The following CHD9 variants were observed in gnomAD, a reference collection of about 807,000 sequenced individuals.
The protein encoded by CHD9 is chromodomain helicase DNA binding protein 9, also known as ATP-dependent chromatin remodeler CHD9.
Under a neutral mutation model 316.1 loss-of-function variants are expected in CHD9, and 77 were observed. The ratio of observed to expected loss-of-function variants is 0.24; its 90% CI spans 0.20 to 0.29. CHD9 has a LOEUF of 0.29. CHD9 is among the 10% of genes least tolerant of loss of function. The pLI, the probability that CHD9 is intolerant of heterozygous loss-of-function variation, is 1.00. For missense variants in CHD9, 2,763 were observed against 3,438.1 expected, an observed-to-expected ratio of 0.80 and a Z score of 4.91; for synonymous variants, 1,129 against 1,158.3, an observed-to-expected ratio of 0.97 and a Z score of 0.51.
At chr16:53,130,017 C>G (rs1454765654) in intron 1 of CHD9, among the ~76,000 whole-genome samples, 2 of 152,210 alleles carry the variant, frequency 1.3e-5, no homozygotes, top group East Asian at 1.9e-4. Flanking sequence ...CACCCTCCCC[C>G]ACGGCTGTCT....
chr16:53,086,585 C>T (rs1198600788), intron 1 of CHD9, among the ~76,000 whole-genome samples: 1 of 152,180 alleles, frequency 6.6e-6, no homozygotes, highest in African/African-American at 2.4e-5. Context: ...TTCTCTGAGC[C>T]TCAGTGTTGG....
intron 1 of CHD9, among the ~76,000 whole-genome samples, chr16:53,083,592 T>C: frequency 6.6e-6 from 1 of 152,190 alleles, no homozygotes; most frequent in East Asian, 1.9e-4. Flanking sequence ...TATGTGGTTC[T>C]GCCCACTCTT....
At chr16:53,133,734 A>G (rs1330855112) in intron 1 of CHD9, among the ~76,000 whole-genome samples, 1 of 152,206 alleles carries the variant, frequency 6.6e-6, no homozygotes, top group Non-Finnish European at 1.5e-5. Flanking sequence ...GTGACAAGAT[A>G]AGATTAAGGA....
At chr16:53,313,142 A>C (rs1161401953) in intron 34 of CHD9, among the ~76,000 whole-genome samples, 3 of 152,152 alleles carry the variant, frequency 2.0e-5, no homozygotes, top group Non-Finnish European at 4.4e-5. Flanking sequence ...AAATGAAAGA[A>C]GTCAGTCTAA....
chr16:53,167,172 A>G (rs2042325711), intron 2 of CHD9, among the ~76,000 whole-genome samples: 11 of 152,112 alleles, frequency 7.2e-5, no homozygotes, highest in Admixed American at 6.5e-4. Flanking sequence ...AATACTTTTT[A>G]GTTTTGTATG....
At chr16:53,198,241 A>G (rs760990675) in intron 2 of CHD9, among the ~76,000 whole-genome samples, 1 of 151,796 alleles carries the variant, frequency 6.6e-6, no homozygotes, top group Non-Finnish European at 1.5e-5. Context: ...CTACCAAGTT[A>G]TAAATTTCTT....
intron 1 of CHD9, among the ~76,000 whole-genome samples, chr16:53,059,757 G>A (rs745310860): frequency 8.5e-5 from 13 of 152,130 alleles, no homozygotes; most frequent in Admixed American, 3.9e-4. Context: ...TGAGCTTTAT[G>A]GACCATAGGG....
intron 1 of CHD9, among the ~76,000 whole-genome samples, chr16:53,139,693 AC>A (rs937589442): frequency 1.3e-5 from 2 of 152,218 alleles, no homozygotes; most frequent in Non-Finnish European, 2.9e-5. Flanking sequence ...TTAAGCACTT[AC>A]TACTGTATGT....
chr16:53,179,225 A>G (rs889104660), intron 2 of CHD9, among the ~76,000 whole-genome samples: 23 of 152,202 alleles, frequency 1.5e-4, no homozygotes, highest in African/African-American at 4.3e-4. Context: ...ACATTCTTCT[A>G]TACAACTAGT....
Position 53,283,828 on chromosome 16 carries a change from G to A in CHD9, c.4968-1768G>A, listed in dbSNP as rs546259289. 3.0e-4 allele frequency among the ~76,000 whole-genome samples: 46 copies of A among 151,994 alleles called. 1 individual carries two copies. The highest frequency in any genetic ancestry group is 1.7e-3 in the East Asian group (9 of 5,162). On this transcript the variant is annotated intron_variant, in intron 24 of 38. Transcript: ENST00000447540. ...TTAGATATAATAAGGTGTTCATTTC[G>A]AGTGCTGACAAATTCGTTCAAGAAT...
intron 8 of CHD9, 27 bp from the exon 9 acceptor site, chr16:53,231,392 G>A: frequency 7.7e-7 from 1 of 1,291,612 alleles, no homozygotes; most frequent in Non-Finnish European, 1.1e-6. Flanking sequence ...TTTGTCAGAT[G>A]TCAATTAAGT....
intron 18 of CHD9, 37 bp from the exon 19 acceptor site, chr16:53,255,563 A>G (rs1199833413): frequency 6.3e-7 from 1 of 1,584,794 alleles, no homozygotes. Context: ...ATGAACTTTA[A>G]AAAAAACTAT....
chr16:53,156,241 A>G lies in CHD9; in HGVS notation c.152A>G (p.Asp51Gly), dbSNP rs753731618. 5 of 1,614,014 alleles carry G rather than the reference A, an allele frequency of 3.1e-6. No individual in the cohort carries two copies. Among genetic ancestry groups the G allele is most frequent in the Non-Finnish European group, 4.2e-6 (5 of 1,179,892 alleles). The change falls in exon 2 of 39, where the codon GAT becomes GGT. Residue 51 changes from aspartate to glycine, a missense_variant. Asp to Gly is a moderately conservative substitution (Grantham distance 94). Coordinates refer to ENST00000447540, the MANE Select transcript of CHD9 (RefSeq NM_001308319.2). ...GCAGAATTTGAACCGTTGCACATAGATTCACTGAACCATGTTCAAGGTACT... is the reference window on the plus strand; with the variant it reads ...GCAGAATTTGAACCGTTGCACATAGGTTCACTGAACCATGTTCAAGGTACT... ...LGAEFEPLHI[D>G]SLNHVQGTPT...
At chr16:53,221,105 G>C (rs1038501507) in intron 3 of CHD9, among the ~76,000 whole-genome samples, 1 of 152,188 alleles carries the variant, frequency 6.6e-6, no homozygotes, top group Non-Finnish European at 1.5e-5. Flanking sequence ...CTAGAGCCTA[G>C]GAAAGTGCTT....
chr16:53,113,187 A>G (rs1267724804), intron 1 of CHD9, among the ~76,000 whole-genome samples: 1 of 152,056 alleles, frequency 6.6e-6, no homozygotes, highest in African/African-American at 2.4e-5. Context: ...TTGTCTCAGA[A>G]TAAATAAATA....
At chr16:53,225,558 G>A (rs988793403) in intron 4 of CHD9, among the ~76,000 whole-genome samples, 1 of 152,056 alleles carries the variant, frequency 6.6e-6, no homozygotes, top group Admixed American at 6.6e-5. Context: ...GTAAAGCCAT[G>A]TATATTTGAT....
intron 1 of CHD9, among the ~76,000 whole-genome samples, chr16:53,136,615 A>G (rs1204951960): frequency 6.6e-6 from 1 of 151,724 alleles, no homozygotes; most frequent in South Asian, 2.1e-4. Context: ...TCTGTTTTAC[A>G]GTTGAAGCAA....
intron 3 of CHD9, among the ~76,000 whole-genome samples, chr16:53,217,952 CTTTCTTT>C (rs1439719819): frequency 3.2e-5 from 4 of 126,956 alleles, no homozygotes; most frequent in African/African-American, 9.5e-5. Context: ...TTCTTTCTTT[CTTTCTTT>C]TTTTTTTTAA....
intron 2 of CHD9, among the ~76,000 whole-genome samples, chr16:53,160,213 T>A (rs2041815534): frequency 6.6e-6 from 1 of 152,230 alleles, no homozygotes; most frequent in Non-Finnish European, 1.5e-5. Flanking sequence ...AGCTTATTGA[T>A]TTATTTTTAA....
Sources: allele counts gnomAD v4.1 joint callset (sites outside exome capture counted in the v4.1 genomes callset), GRCh38; gene constraint gnomAD v4.1.1; transcripts MANE v1.5; gene names NCBI Gene and HGNC (gene_info 2026-07-23, HGNC 2026-07-21).